ZNF77: variants seen among roughly 807,000 people sequenced by gnomAD.
The protein encoded by ZNF77 is zinc finger protein 77.
A neutral mutation model predicts 13.5 loss-of-function variants in ZNF77; 15 were observed. That is an observed-to-expected ratio of 1.11 (90% CI 0.74 to 1.71). The LOEUF is 1.71. ZNF77 is among the 40% of genes most tolerant of loss of function. The pLI is 0.00. For synonymous variants in ZNF77, 282 were observed against 250.0 expected (o/e 1.13, Z -1.21); for missense variants, 717 against 676.4 (o/e 1.06, Z -0.67).
intron 2 of ZNF77, 53 bp from the exon 3 acceptor site, chr19:2,936,757 A>C: frequency 6.6e-7 from 1 of 1,508,250 alleles, no homozygotes. Flanking sequence ...GGATAAAGGA[A>C]ATAGACCACA....
Position 2,944,889 on chromosome 19 carries a change from G to A in ZNF77, c.-49C>T, listed in dbSNP as rs1349255762. 3.1e-5 allele frequency: 47 copies of A among 1,520,902 alleles called. No homozygotes were observed. The highest frequency in any genetic ancestry group is 3.8e-5 in the Non-Finnish European group (43 of 1,140,304). 94.2% of individuals were successfully genotyped at this position (1,520,902 alleles called of 1,614,324 possible). The stretch of plus-strand genomic sequence containing the variant: ...CAGGGTTAGCGCCCCGCGGTCCAGC[G>A]ACCGGCGCAGGTGAGCACGACAGGA... On this transcript the variant is annotated 5_prime_UTR_variant, in exon 1 of 4. Coordinates refer to ENST00000314531, the MANE Select transcript of ZNF77 (RefSeq NM_021217.3).
At chr19:2,942,153 C>T (rs1454822746) in intron 1 of ZNF77, among the ~76,000 whole-genome samples, 1 of 150,984 alleles carries the variant, frequency 6.6e-6, no homozygotes, top group Non-Finnish European at 1.5e-5. Context: ...CTCGCTGCAA[C>T]CTCCGCCTCC....
At chr19:2,940,361 CA>C (rs796810962) in intron 1 of ZNF77, among the ~76,000 whole-genome samples, 149 of 139,472 alleles carry the variant, frequency 1.1e-3, no homozygotes, top group Admixed American at 1.3e-3. Context: ...CTGTCTCTAC[CA>C]AAAAAAAAAA....
In ZNF77 at chr19:2,936,724, A is replaced by T. The variant is rs372278658; in HGVS notation, c.131-20T>A. 246 of 1,588,714 alleles carry T rather than the reference A, an allele frequency of 1.5e-4. 1 individual carries two copies. Among genetic ancestry groups the T allele is most frequent in the Middle Eastern group, 8.3e-4 (5 of 6,026 alleles). ...AACAATCTGCAACAATCAATTACAC[A>T]ATTTCTTAGGAGAAATATGTTGGGA... On this transcript the variant is annotated intron_variant, in intron 2 of 3. Transcript: ENST00000314531.
chr19:2,940,545 C>T (rs1348702285), intron 1 of ZNF77, among the ~76,000 whole-genome samples: 3 of 152,056 alleles, frequency 2.0e-5, no homozygotes, highest in East Asian at 1.9e-4. Context: ...TGGTGGCACA[C>T]GCCTGTAGTC....
rs1392901794 is a variant in ZNF77 at position 2,934,588 on chromosome 19, G to T, written c.539C>A (p.Pro180His). The T allele has an allele frequency of 1.9e-6, 3 of 1,613,974 alleles. No individual in the cohort carries two copies. In the African/African-American group the frequency reaches 4.0e-5, roughly 22 times the overall value. Residue 180 changes from proline (P) to histidine (H), a missense_variant, in exon 4 of 4, where the codon CCT (proline) becomes CAT (histidine). Physicochemically the swap from Pro to His is moderately conservative, Grantham distance 77. Transcript: ENST00000314531. ...ACSCLSCQSPPMKTQTVEKPC... is the reference protein window; with the variant it reads ...ACSCLSCQSPHMKTQTVEKPC... ...TTTCTCTACAGTCTGCGTTTTCATAGGAGGGCTTTGGCAGGAGAGGCAGCT... is the reference window on the plus strand; with the variant it reads ...TTTCTCTACAGTCTGCGTTTTCATATGAGGGCTTTGGCAGGAGAGGCAGCT...
chr19:2,940,378 A>T (rs1374128815), intron 1 of ZNF77, among the ~76,000 whole-genome samples: 1 of 151,990 alleles, frequency 6.6e-6, no homozygotes, highest in Non-Finnish European at 1.5e-5. Flanking sequence ...AAAAAGGCTA[A>T]AAGAATTTAG....
chr19:2,934,201 G>A lies in ZNF77; in HGVS notation c.926C>T (p.Ser309Phe), dbSNP rs754927178. ...CGTCCTCACGTGATCTCTAAAGGAG[G>A]AGTAACAGCTGAATGATTTTCCACA... ...KHCGKSFSCY[S>F]SFRDHVRTHT... Residue 309 changes from serine to phenylalanine, a missense_variant, in exon 4 of 4, where the codon TCC becomes TTC. By Grantham distance (155) the Ser-to-Phe change is radical (BLOSUM62 -2). Transcript: ENST00000314531. The A allele has an allele frequency of 3.1e-6, 5 of 1,614,132 alleles. No homozygotes were observed. The highest frequency in any genetic ancestry group is 2.2e-5 in the South Asian group (2 of 91,076).
At chr19:2,936,019 AAAAT>A (rs999291329) in intron 3 of ZNF77, among the ~76,000 whole-genome samples, 4 of 151,942 alleles carry the variant, frequency 2.6e-5, no homozygotes, top group African/African-American at 9.7e-5. Flanking sequence ...CCCCATCTCA[AAAAT>A]AAATAAATAA....
At chr19:2,944,155 C>T (rs898609323) in intron 1 of ZNF77, among the ~76,000 whole-genome samples, 1 of 149,892 alleles carries the variant, frequency 6.7e-6, no homozygotes, top group Non-Finnish European at 1.5e-5. Context: ...TGTCCCCCAA[C>T]ACATCCCTCG....
intron 2 of ZNF77, among the ~76,000 whole-genome samples, chr19:2,937,151 G>A (rs772556428): frequency 2.0e-5 from 3 of 151,994 alleles, no homozygotes; most frequent in Admixed American, 1.3e-4. Context: ...ATTGCACCAC[G>A]GCACTGCAGC....
chr19:2,938,795 AGC>A (rs1168503441), intron 2 of ZNF77, among the ~76,000 whole-genome samples: 1 of 152,026 alleles, frequency 6.6e-6, no homozygotes. Context: ...TCTCTACTAA[AGC>A]TACAAAAAAT....
In ZNF77 at chr19:2,934,391, C is replaced by T. The variant is rs773865266; in HGVS notation, c.736G>A (p.Gly246Arg). Residue 246 changes from glycine to arginine, a missense_variant, in exon 4 of 4, where the codon GGG (glycine) becomes AGG (arginine). Coordinates refer to ENST00000314531, the MANE Select transcript of ZNF77 (RefSeq NM_021217.3). ...GQKTHACKVC[G>R]KTFMYYSYLT... ...TAGGAGTAATACATAAAGGTCTTCC[C>T]ACATACTTTACATGCATGGGTTTTC... The T allele has an allele frequency of 6.2e-6, 10 of 1,614,052 alleles. No homozygotes were observed. In the East Asian group the frequency reaches 2.2e-4, roughly 36 times the overall value.
At position 2,934,138 on chromosome 19, in the gene ZNF77, C is replaced by A. The variant is rs781383879; in HGVS notation, c.989G>T (p.Gly330Val). The A allele has an allele frequency of 6.2e-7, 1 of 1,614,106 alleles. No individual in the cohort carries two copies. Among genetic ancestry groups the A allele is most frequent in the Admixed American group, 1.7e-5 (1 of 60,000 alleles). Reference protein sequence around the residue: ...GEKPCQCKHCGKAFTCYSSLR... With the variant: ...GEKPCQCKHCVKAFTCYSSLR... ...AGACGAGTAACAAGTGAACGCTTTT[C>A]CGCAATGTTTACACTGACAGGGTTT... Residue 330 changes from glycine to valine, a missense_variant, in exon 4 of 4, where the codon GGA becomes GTA. Coordinates refer to ENST00000314531, the MANE Select transcript of ZNF77 (RefSeq NM_021217.3).
rs918168701 is a variant in ZNF77, at chr19:2,944,337, C to T, written c.3+501G>A. On this transcript the variant is annotated intron_variant, in intron 1 of 3. Transcript: ENST00000314531. ...TAAACTGCCTTCGAGCCCCTGATCA[C>T]CTGTCCCCCAAAACTGCCCCTTCAA... is the stretch of plus-strand genomic sequence containing the variant. 3.5e-5 allele frequency among the ~76,000 whole-genome samples: 5 copies of T among 144,058 alleles called. No individual in the cohort carries two copies. In the East Asian group the frequency reaches 6.3e-4, roughly 18 times the overall value. The allele number at this position is 144,058 out of a possible 152,430, so 94.5% of individuals were successfully genotyped here.
rs1298215545 is a variant in ZNF77 at position 2,939,383 on chromosome 19, C to G, written c.28G>C (p.Ala10Pro). 6.2e-7 allele frequency: 1 copy of G among 1,614,030 alleles called. No individual in the cohort carries two copies. Among genetic ancestry groups the G allele is most frequent in the Non-Finnish European group, 8.5e-7 (1 of 1,180,004 alleles). The change falls in exon 2 of 4, where the codon GCT becomes CCT. Residue 10 changes from alanine to proline, a missense_variant. Physicochemically the swap from Ala to Pro is conservative, Grantham distance 27. Transcript: ENST00000314531. The part of the protein sequence containing the change: MDCVIFEEV[A>P]VNFTPEEWAL... Reference sequence around the variant, plus strand: ...CACTCTTCTGGGGTGAAGTTCACAGCCACTTCCTCAAAGATCACGCAGTCC... The same window carrying G: ...CACTCTTCTGGGGTGAAGTTCACAGGCACTTCCTCAAAGATCACGCAGTCC...
At chr19:2,943,522 C>T (rs1568195265) in intron 1 of ZNF77, among the ~76,000 whole-genome samples, 1 of 151,738 alleles carries the variant, frequency 6.6e-6, no homozygotes, top group Non-Finnish European at 1.5e-5. Context: ...GCTAGCTGAC[C>T]ACGAGGAGGT....
At position 2,934,268 on chromosome 19, in the gene ZNF77, C is replaced by T; in HGVS notation, c.859G>A (p.Val287Ile). 6.2e-7 allele frequency: 1 copy of T among 1,613,530 alleles called. No individual in the cohort carries two copies. The highest frequency in any genetic ancestry group is 1.3e-5 in the African/African-American group (1 of 75,026). ...GGTTTCTCTCCAGTGTGTGTTCTGACATGTTCTCGAAAGTATGAGGGACAG... is the reference window on the plus strand; with the variant it reads ...GGTTTCTCTCCAGTGTGTGTTCTGATATGTTCTCGAAAGTATGAGGGACAG... ...FSCPSYFREH[V>I]RTHTGEKPYE... The change falls in exon 4 of 4, where the codon GTC (valine) becomes ATC (isoleucine). Residue 287 changes from valine (V) to isoleucine (I), a missense_variant. Val to Ile is a conservative substitution (Grantham distance 29). Transcript: ENST00000314531.
At position 2,933,656 on chromosome 19, in the gene ZNF77, G is replaced by A. The variant is rs1373220408; in HGVS notation, c.1471C>T (p.Pro491Ser). The A allele has an allele frequency of 1.9e-6, 3 of 1,613,744 alleles. No homozygotes were observed. The highest frequency in any genetic ancestry group is 1.1e-5 in the South Asian group (1 of 91,046). The change falls in exon 4 of 4, where the codon CCC becomes TCC. Residue 491 changes from proline to serine, a missense_variant. Physicochemically the swap from Pro to Ser is moderately conservative, Grantham distance 74. Transcript: ENST00000314531. ...TTCCCACATTCAGTACATTCGTAGG[G>A]TTTGACCCCACTGTGTGATCTCACA... is the stretch of plus-strand genomic sequence containing the variant. ...KHVRSHSGVK[P>S]YECTECGKAY...
Sources: allele counts gnomAD v4.1 joint callset (sites outside exome capture counted in the v4.1 genomes callset), GRCh38; gene constraint gnomAD v4.1.1; transcripts MANE v1.5; gene names NCBI Gene and HGNC (gene_info 2026-07-23, HGNC 2026-07-21).